SHISA5: variants seen among roughly 807,000 people sequenced by gnomAD.
SHISA5 encodes the protein shisa family member 5.
A neutral mutation model predicts 27.5 loss-of-function variants in SHISA5; 21 were observed. The observed-to-expected ratio is 0.76, with a 90% CI of 0.54 to 1.10. SHISA5 has a LOEUF of 1.10. Among genes scored for constraint, SHISA5 ranks in the 50% least tolerant of loss-of-function variants. The pLI, the probability that SHISA5 is intolerant of heterozygous loss-of-function variation, is 0.00. For synonymous variants in SHISA5, 137 were observed against 142.2 expected, an observed-to-expected ratio of 0.96 and a Z score of 0.26; for missense variants, 314 against 336.3, an observed-to-expected ratio of 0.93 and a Z score of 0.52.
In SHISA5 at chr3:48,468,523, T is replaced by C; in HGVS notation, c.*584A>G. 8.4e-7 allele frequency: 1 copy of C among 1,186,876 alleles called. No individual in the cohort carries two copies. Among genetic ancestry groups the C allele is most frequent in the Non-Finnish European group, 1.1e-6 (1 of 942,014 alleles). 73.5% of individuals were successfully genotyped at this position (1,186,876 alleles called of 1,614,324 possible). On this transcript the variant is annotated 3_prime_UTR_variant, in exon 6 of 6. Coordinates refer to ENST00000296444, the MANE Select transcript of SHISA5 (RefSeq NM_016479.6). Reference sequence around the variant, plus strand: ...CTGATCCCCAACAGGCATGACAGGCTCCAGGGAGCAATGGGACATCTGCCC... The same window carrying C: ...CTGATCCCCAACAGGCATGACAGGCCCCAGGGAGCAATGGGACATCTGCCC...
chr3:48,489,629 T>C (rs995568703), intron 2 of SHISA5, among the ~76,000 whole-genome samples: 1 of 141,018 alleles, frequency 7.1e-6, no homozygotes, highest in Admixed American at 7.0e-5. Flanking sequence ...GCCTTTTTTT[T>C]TTTTTTTTTT....
At chr3:48,486,134 T>G (rs1207080920) in intron 2 of SHISA5, among the ~76,000 whole-genome samples, 1 of 146,322 alleles carries the variant, frequency 6.8e-6, no homozygotes, top group East Asian at 2.0e-4. Flanking sequence ...TTTGCAAATG[T>G]GATGTTAGGC....
chr3:48,476,918 C>T (rs905715066), intron 3 of SHISA5: 41 of 359,866 alleles, frequency 1.1e-4, no homozygotes, highest in Non-Finnish European at 1.9e-4. Context: ...CACACCACGG[C>T]GGCAGCTGGG....
intron 3 of SHISA5, among the ~76,000 whole-genome samples, chr3:48,476,493 G>A (rs2040831927): frequency 6.6e-6 from 1 of 152,196 alleles, no homozygotes; most frequent in Non-Finnish European, 1.5e-5. Context: ...GGCTTCTCCT[G>A]AGCTCCTGGC....
intron 2 of SHISA5, among the ~76,000 whole-genome samples, chr3:48,486,907 C>CA (rs749525438): frequency 1.4e-5 from 2 of 140,140 alleles, no homozygotes; most frequent in Non-Finnish European, 3.1e-5. Flanking sequence ...GTGACAGAGA[C>CA]AAGACTCCAT....
Position 48,496,407 on chromosome 3 carries a change from C to T in SHISA5, c.233+4730G>A, listed in dbSNP as rs190413716. 7.8e-4 allele frequency among the ~76,000 whole-genome samples: 119 copies of T among 152,226 alleles called. 1 individual carries two copies. Among genetic ancestry groups the T allele is most frequent in the Non-Finnish European group, 1.3e-3 (87 of 68,018 alleles). ...AGGAGATCGAGACCATCCTGGCTAA[C>T]ATGGTGAAACCCCGTCTCTACTAAA... is the stretch of plus-strand genomic sequence containing the variant. On this transcript the variant is annotated intron_variant, in intron 2 of 5. Transcript: ENST00000296444.
chr3:48,488,770 T>C (rs1575324312), intron 2 of SHISA5, among the ~76,000 whole-genome samples: 1 of 146,692 alleles, frequency 6.8e-6, no homozygotes, highest in South Asian at 2.2e-4. Context: ...GAGGTGGAGG[T>C]TGCGGTGAGC....
chr3:48,486,260 A>AT (rs1481673985), intron 2 of SHISA5, among the ~76,000 whole-genome samples: 2 of 74,378 alleles, frequency 2.7e-5, no homozygotes, highest in African/African-American at 6.5e-5. Context: ...TATTATATAT[A>AT]ATACATTATG....
At chr3:48,474,239 C>T (rs116173026) in intron 3 of SHISA5, among the ~76,000 whole-genome samples, 1,901 of 151,844 alleles carry the variant, frequency 0.013, 40 homozygotes, top group African/African-American at 0.043. Flanking sequence ...AGGCATGCAC[C>T]ACCACACTCG....
chr3:48,497,793 T>G (rs1296567398), intron 2 of SHISA5, among the ~76,000 whole-genome samples: 6 of 149,888 alleles, frequency 4.0e-5, no homozygotes, highest in Non-Finnish European at 5.9e-5. Context: ...AAAGCTGAGG[T>G]AGGAGGATAT....
At position 48,468,724 on chromosome 3, in the gene SHISA5, C is replaced by T. The variant is rs1242394658; in HGVS notation, c.*383G>A. ...AGAAAGCTGCGCCACCCTGGTGTGA[C>T]AGGCCCTACTTGGTCACCCTAGGGT... On this transcript the variant is annotated 3_prime_UTR_variant, in exon 6 of 6. Coordinates refer to ENST00000296444, the MANE Select transcript of SHISA5 (RefSeq NM_016479.6). 2 of 1,313,996 alleles carry T rather than the reference C, an allele frequency of 1.5e-6. No homozygotes were observed. The highest frequency in any genetic ancestry group is 2.5e-5 in the South Asian group (2 of 78,908). The allele number at this position is 1,313,996 out of a possible 1,614,324, so 81.4% of individuals were successfully genotyped here.
chr3:48,477,702 G>A (rs890002451), intron 3 of SHISA5, among the ~76,000 whole-genome samples: 3 of 152,148 alleles, frequency 2.0e-5, no homozygotes, highest in Non-Finnish European at 4.4e-5. Context: ...CATGGACTCC[G>A]TGGTGTGAAA....
chr3:48,501,017 C>A (rs1560136067), intron 2 of SHISA5, 120 bp downstream of exon 2: 1 of 1,181,498 alleles, frequency 8.5e-7, no homozygotes, highest in Non-Finnish European at 1.2e-6. Flanking sequence ...TGCTCCAATG[C>A]TCTGGCCACC....
chr3:48,491,885 A>G (rs1048750923), intron 2 of SHISA5, among the ~76,000 whole-genome samples: 5 of 151,690 alleles, frequency 3.3e-5, no homozygotes, highest in Non-Finnish European at 5.9e-5. Flanking sequence ...TCCCTTTTGT[A>G]ATAGGGGTGG....
At chr3:48,497,124 C>T (rs2041576764) in intron 2 of SHISA5, among the ~76,000 whole-genome samples, 1 of 150,182 alleles carries the variant, frequency 6.7e-6, no homozygotes, top group African/African-American at 2.4e-5. Flanking sequence ...TCCAGCTACT[C>T]TGGAGGCTGA....
intron 3 of SHISA5, among the ~76,000 whole-genome samples, chr3:48,472,296 T>C (rs1267566832): frequency 2.6e-5 from 4 of 151,784 alleles, no homozygotes; most frequent in Non-Finnish European, 5.9e-5. Context: ...GAGACCAGCC[T>C]GGGCAACATA....
chr3:48,476,062 G>A (rs1159377123), intron 3 of SHISA5, among the ~76,000 whole-genome samples: 1 of 152,204 alleles, frequency 6.6e-6, no homozygotes, highest in Non-Finnish European at 1.5e-5. Context: ...AAGTAGCCCA[G>A]GTCGGGCACA....
Position 48,501,212 on chromosome 3 carries a change from T to C in SHISA5, c.158A>G (p.Asp53Gly). 1 of 1,614,082 alleles carries C rather than the reference T, an allele frequency of 6.2e-7. No individual in the cohort carries two copies. Among genetic ancestry groups the C allele is most frequent in the South Asian group, 1.1e-5 (1 of 91,084 alleles). Residue 53 changes from aspartate to glycine, a missense_variant, in exon 2 of 6, where the codon GAT becomes GGT. Asp to Gly is a moderately conservative substitution (Grantham distance 94). Coordinates refer to ENST00000296444, the MANE Select transcript of SHISA5 (RefSeq NM_016479.6). ...CACGTCAGAGCAGCAGTATTGGTCA[T>C]CACAGGTACCACAGCAGAAATCTGG... ...SCPDFCCGTC[D>G]DQYCCSDVLK...
At position 48,479,256 on chromosome 3, in the gene SHISA5, C is replaced by G. The variant is rs754403377; in HGVS notation, c.235G>C (p.Val79Leu). The G allele has an allele frequency of 4.4e-6, 7 of 1,605,692 alleles. No homozygotes were observed. Among genetic ancestry groups the G allele is most frequent in the African/African-American group, 2.7e-5 (2 of 74,894 alleles). ...TCCACCGGCTCTACACTGGCAGGCA[C>G]GCTGCAAACAGGAAACCTTGTGATT... is the stretch of plus-strand genomic sequence containing the variant. ...EERCAVPEAS[V>L]PASVEPVEQL... The change falls in exon 3 of 6, where the codon GTG (valine) becomes CTG (leucine). Residue 79 changes from valine (V) to leucine (L), a missense_variant and splice_region_variant. By Grantham distance (32) the Val-to-Leu change is conservative. Coordinates refer to ENST00000296444, the MANE Select transcript of SHISA5 (RefSeq NM_016479.6).
Sources: allele counts gnomAD v4.1 joint callset (sites outside exome capture counted in the v4.1 genomes callset), GRCh38; gene constraint gnomAD v4.1.1; transcripts MANE v1.5; gene names NCBI Gene and HGNC (gene_info 2026-07-23, HGNC 2026-07-21).